The following EHBP1 variants were observed in gnomAD, a reference collection of about 807,000 sequenced individuals.
EHBP1 encodes EH domain binding protein 1, also known as EH domain-binding protein 1.
A neutral mutation model predicts 144.0 loss-of-function variants in EHBP1; 55 were observed. That is an observed-to-expected ratio of 0.38 (90% confidence interval 0.31 to 0.48). EHBP1 has a LOEUF of 0.48. Among genes scored for constraint, EHBP1 ranks in the 20% least tolerant of loss-of-function variants. The probability of loss-of-function intolerance (pLI) is 0.98; values close to 1 mark genes in which losing one functional copy is unlikely to be tolerated. For missense variants in EHBP1, 1,200 were observed against 1,364.2 expected, an observed-to-expected ratio of 0.88 and a Z score of 1.90; for synonymous variants, 469 against 472.7, an observed-to-expected ratio of 0.99 and a Z score of 0.10.
chr2:62,892,185 G>A (rs1361125063), intron 10 of EHBP1, among the ~76,000 whole-genome samples: 1 of 152,150 alleles, frequency 6.6e-6, no homozygotes, highest in African/African-American at 2.4e-5. Flanking sequence ...TTTGGATAAA[G>A]ATACTGAAGC....
intron 7 of EHBP1, among the ~76,000 whole-genome samples, chr2:62,851,302 A>G (rs2048678221): frequency 6.6e-6 from 1 of 152,116 alleles, no homozygotes; most frequent in Non-Finnish European, 1.5e-5. Context: ...ATCTAATTCC[A>G]TTTCCTATCG....
At chr2:62,927,494 A>G (rs1355896499) in intron 10 of EHBP1, among the ~76,000 whole-genome samples, 2 of 152,204 alleles carry the variant, frequency 1.3e-5, no homozygotes, top group African/African-American at 4.8e-5. Context: ...TTATTTGTCA[A>G]TTAAAAAATA....
At position 62,993,991 on chromosome 2, in the gene EHBP1, T is replaced by G. The variant is rs1301390849; in HGVS notation, c.2979+14T>G. ...GAAGTGCTTAATGTATATTAATTTT[T>G]TGTGTGGTTTCATGATTGCTGATAA... On this transcript the variant is annotated intron_variant, in intron 18 of 22. Coordinates refer to ENST00000431489, the MANE Select transcript of EHBP1 (RefSeq NM_001142616.3). 5.2e-6 allele frequency: 8 copies of G among 1,526,536 alleles called. No individual in the cohort carries two copies. The African/African-American group carries it at 8.3e-5, about 16-fold the overall frequency. The allele number at this position is 1,526,536 out of a possible 1,614,324, so 94.6% of individuals were successfully genotyped here.
intron 10 of EHBP1, among the ~76,000 whole-genome samples, chr2:62,888,024 CAT>C (rs2052086910): frequency 6.6e-6 from 1 of 152,160 alleles, no homozygotes; most frequent in African/African-American, 2.4e-5. Context: ...ATTTCTAAAA[CAT>C]ATTTGGATGT....
chr2:63,044,708 T>A (rs2061859483), intron 21 of EHBP1: 1 of 170,920 alleles, frequency 5.9e-6, no homozygotes, highest in African/African-American at 2.4e-5. Context: ...CCTCCTCATT[T>A]ACCCACTTCC....
Position 63,045,413 on chromosome 2 carries a change from C to A in EHBP1, c.3396C>A (p.Ala1132=). The A allele has an allele frequency of 6.2e-7, 1 of 1,613,930 alleles. No individual in the cohort carries two copies. Among genetic ancestry groups the A allele is most frequent in the Non-Finnish European group, 8.5e-7 (1 of 1,179,868 alleles). Residue 1132 remains alanine, a synonymous_variant, in exon 23 of 23, where the codon GCC becomes GCA. Coordinates refer to ENST00000431489, the MANE Select transcript of EHBP1 (RefSeq NM_001142616.3). This position sits in a 1 kb window ranked among gnomAD's most constrained non-coding sequence, Gnocchi z 5.7. The part of the protein sequence containing the change: ...VRDLDAQEKQ[A]EEEDEHLERT... The stretch of plus-strand genomic sequence containing the variant: ...GTCCTGTTTGTCTGACATCCAGGGC[C>A]GAAGAAGAAGATGAGCATTTGGAGC...
At chr2:62,974,219 T>C (rs550119468) in intron 14 of EHBP1, among the ~76,000 whole-genome samples, 1 of 152,092 alleles carries the variant, frequency 6.6e-6, no homozygotes, top group Non-Finnish European at 1.5e-5. Flanking sequence ...TACCATCACA[T>C]TGCTTTGCTT....
At chr2:62,749,573 A>G (rs929345468) in intron 3 of EHBP1, among the ~76,000 whole-genome samples, 1 of 152,204 alleles carries the variant, frequency 6.6e-6, no homozygotes, top group Non-Finnish European at 1.5e-5. Flanking sequence ...TGACTTCCAC[A>G]ATGGTTGAAC....
At chr2:62,801,786 A>G (rs1056873488) in intron 5 of EHBP1, among the ~76,000 whole-genome samples, 3 of 152,250 alleles carry the variant, frequency 2.0e-5, no homozygotes, top group Non-Finnish European at 4.4e-5. Context: ...TTTCTTAACT[A>G]GAGACCAATT....
chr2:63,037,589 A>C lies in EHBP1; in HGVS notation c.3158A>C (p.Asn1053Thr). The C allele has an allele frequency of 6.2e-7, 1 of 1,606,092 alleles. No homozygotes were observed. The highest frequency in any genetic ancestry group is 8.5e-7 in the Non-Finnish European group (1 of 1,175,860). Residue 1053 changes from asparagine to threonine, a missense_variant, in exon 20 of 23, where the codon AAT becomes ACT. Transcript: ENST00000431489. ...ATGCAGGAATGGTTTATGTTAGTTA[A>C]TAAGAAAAATGCCTTAATAAGGAGA... Reference protein sequence around the residue: ...AMMQEWFMLVNKKNALIRRMN... With the variant: ...AMMQEWFMLVTKKNALIRRMN...
In EHBP1 at chr2:62,747,418, T is replaced by A. The variant is rs752356881; in HGVS notation, c.128T>A (p.Val43Asp). 32 of 1,610,062 alleles carry A rather than the reference T, an allele frequency of 2.0e-5. No individual in the cohort carries two copies. Among genetic ancestry groups the A allele is most frequent in the Non-Finnish European group, 2.6e-5 (31 of 1,177,994 alleles). The change falls in exon 3 of 23, where the codon GTT becomes GAT. Residue 43 changes from valine (V) to aspartate (D), a missense_variant. Physicochemically the swap from Val to Asp is radical, Grantham distance 152. Coordinates refer to ENST00000431489, the MANE Select transcript of EHBP1 (RefSeq NM_001142616.3). ...KKWQPDKLVV[V>D]WTRRSRRKSS... The stretch of plus-strand genomic sequence containing the variant: ...AGGCAACCAGATAAACTGGTGGTAG[T>A]TTGGACCAGAAGAAGCCGAAGGAAG...
intron 7 of EHBP1, among the ~76,000 whole-genome samples, chr2:62,854,578 T>A (rs1257051775): frequency 6.6e-6 from 1 of 152,118 alleles, no homozygotes; most frequent in Non-Finnish European, 1.5e-5. Flanking sequence ...TGGGGAGTGG[T>A]AGATGGGGGA....
chr2:62,908,917 GCCTAGAA>G (rs2152969776), intron 10 of EHBP1, among the ~76,000 whole-genome samples: 1 of 152,214 alleles, frequency 6.6e-6, no homozygotes, highest in South Asian at 2.1e-4. Flanking sequence ...ATCTCCCAGT[GCCTAGAA>G]CCAGTGGTTG....
intron 7 of EHBP1, among the ~76,000 whole-genome samples, chr2:62,832,438 C>CT (rs202005406): frequency 0.19 from 21,969 of 117,740 alleles, 2,158 homozygotes; most frequent in Middle Eastern, 0.32. Flanking sequence ...TTTCTTTTTT[C>CT]TTTTTTTTTT....
intron 19 of EHBP1, among the ~76,000 whole-genome samples, chr2:63,009,364 C>T (rs2060179342): frequency 6.6e-6 from 1 of 151,430 alleles, no homozygotes; most frequent in African/African-American, 2.4e-5. Context: ...CTATATGAAA[C>T]TTTTCTTAGC....
At chr2:62,890,077 C>T (rs897904733) in intron 10 of EHBP1, among the ~76,000 whole-genome samples, 6 of 151,360 alleles carry the variant, frequency 4.0e-5, no homozygotes, top group Admixed American at 1.3e-4. Context: ...TCTCCTGCCT[C>T]AGCCTCCCGA....
At chr2:62,896,758 A>G (rs552367074) in intron 10 of EHBP1, among the ~76,000 whole-genome samples, 21 of 151,426 alleles carry the variant, frequency 1.4e-4, no homozygotes. Context: ...TGCCCCCGCT[A>G]CTGAAAAAGT....
chr2:62,751,492 G>A (rs541666713), intron 3 of EHBP1, among the ~76,000 whole-genome samples: 4 of 152,324 alleles, frequency 2.6e-5, no homozygotes, highest in Non-Finnish European at 5.9e-5. Flanking sequence ...GATGATGCTG[G>A]CCTCATAAAG....
chr2:63,005,946 A>G (rs879571297), intron 19 of EHBP1, among the ~76,000 whole-genome samples: 2 of 151,974 alleles, frequency 1.3e-5, no homozygotes, highest in African/African-American at 2.4e-5. Context: ...AGGTTTTTTC[A>G]TGTTTATTTT....
Sources: allele counts gnomAD v4.1 joint callset (sites outside exome capture counted in the v4.1 genomes callset), GRCh38; gene constraint gnomAD v4.1.1; non-coding constraint Gnocchi (gnomAD v3.1); transcripts MANE v1.5; gene names NCBI Gene and HGNC (gene_info 2026-07-23, HGNC 2026-07-21).